The following TMTC2 variants were observed in gnomAD, a reference collection of about 807,000 sequenced individuals.
TMTC2 encodes transmembrane O-mannosyltransferase targeting cadherins 2, also known as protein O-mannosyl-transferase TMTC2.
In TMTC2, 43 loss-of-function variants were observed where a neutral mutation model predicts 82.4. That is an observed-to-expected ratio of 0.52 (90% CI 0.41 to 0.67). The LOEUF is 0.67. TMTC2 is among the 30% of genes least tolerant of loss of function. TMTC2 has a pLI of 0.00. For missense variants in TMTC2, 919 were observed against 1,012.4 expected (o/e 0.91, Z 1.25); for synonymous variants, 408 against 381.9 (o/e 1.07, Z -0.80).
At chr12:82,842,004 T>C (rs1870364539) in intron 1 of TMTC2, among the ~76,000 whole-genome samples, 1 of 152,188 alleles carries the variant, frequency 6.6e-6, no homozygotes, top group South Asian at 2.1e-4. Context: ...CCAGACAAAA[T>C]GCAATAATAG....
chr12:83,048,754 C>T (rs577657301), intron 9 of TMTC2, among the ~76,000 whole-genome samples: 5 of 152,280 alleles, frequency 3.3e-5, no homozygotes, highest in East Asian at 1.9e-4. Context: ...CTGCAACCTC[C>T]GCCTCCCGGG....
intron 1 of TMTC2, among the ~76,000 whole-genome samples, chr12:82,830,335 C>CTTAGCCCA (rs1673118136): frequency 6.6e-6 from 1 of 151,936 alleles, no homozygotes; most frequent in Non-Finnish European, 1.5e-5. Flanking sequence ...TTAGTCCTTC[C>CTTAGCCCA]TTAGCCCACT....
chr12:83,006,460 T>A lies in TMTC2; in HGVS notation c.2070+20414T>A, dbSNP rs528454402. ...TTTCTGATTTTTGTTATTCGAATCT[T>A]CTTTCTTTTTTCTTAGTCTGGTTAA... On this transcript the variant is annotated intron_variant, in intron 8 of 11. Transcript: ENST00000321196. Among the ~76,000 whole-genome samples, 7 of 152,332 alleles carry A rather than the reference T, an allele frequency of 4.6e-5. No individual in the cohort carries two copies. The East Asian group carries it at 1.2e-3, about 25-fold the overall frequency.
intron 4 of TMTC2, among the ~76,000 whole-genome samples, chr12:82,951,675 T>C (rs1877354357): frequency 1.3e-5 from 2 of 152,174 alleles, no homozygotes; most frequent in South Asian, 2.1e-4. Context: ...ACAGTACATA[T>C]GATATGCAAA....
At position 82,896,051 on chromosome 12, in the gene TMTC2, G is replaced by A; in HGVS notation, c.888G>A (p.Met296Ile). 1 of 1,613,938 alleles carries A rather than the reference G, an allele frequency of 6.2e-7. No individual in the cohort carries two copies. Among genetic ancestry groups the A allele is most frequent in the Non-Finnish European group, 8.5e-7 (1 of 1,179,990 alleles). Residue 296 changes from methionine (M) to isoleucine (I), a missense_variant, in exon 3 of 12, where the codon ATG (methionine) becomes ATA (isoleucine). Transcript: ENST00000321196. ...CPDTLSFDWS[M>I]DAVPLLKTVC... is the part of the protein sequence containing the mutation. ...ATACCCTCAGTTTTGATTGGTCAAT[G>A]GATGCTGTGCCTCTGCTCAAAACAG...
At chr12:82,967,055 A>G in intron 7 of TMTC2, 58 bp downstream of exon 7, 1 of 1,333,656 alleles carries the variant, frequency 7.5e-7, no homozygotes, top group South Asian at 1.2e-5. Context: ...GAGAAACAGG[A>G]ACCCATGTTC....
chr12:82,951,384 G>A (rs4346030), intron 4 of TMTC2, among the ~76,000 whole-genome samples: 111,383 of 151,952 alleles, frequency 0.73, 42,104 homozygotes, highest in South Asian at 0.85. Flanking sequence ...TCCACTTCCC[G>A]GGTTCAAGCA....
chr12:82,755,146 A>C (rs1303604309), intron 1 of TMTC2, among the ~76,000 whole-genome samples: 1 of 152,200 alleles, frequency 6.6e-6, no homozygotes, highest in African/African-American at 2.4e-5. Flanking sequence ...GGGAAATGTG[A>C]TTTAAATTCT....
At position 82,903,991 on chromosome 12, in the gene TMTC2, G is replaced by T. The variant is rs762162935; in HGVS notation, c.1483+7345G>T. On this transcript the variant is annotated intron_variant, in intron 3 of 11. Transcript: ENST00000321196. The stretch of plus-strand genomic sequence containing the variant: ...TTTCGGATTGTGTGACTGCATCTGT[G>T]TGTGACATATGCTTCCATTTTGATA... Among the ~76,000 whole-genome samples, 3 of 152,164 alleles carry T rather than the reference G, an allele frequency of 2.0e-5. No individual in the cohort carries two copies. The South Asian group carries it at 6.2e-4, about 32-fold the overall frequency.
At chr12:82,738,239 T>C (rs1221944869) in intron 1 of TMTC2, among the ~76,000 whole-genome samples, 8 of 152,210 alleles carry the variant, frequency 5.3e-5, no homozygotes, top group Non-Finnish European at 8.8e-5. Context: ...CCAATGTATA[T>C]TTTATCTTCA....
intron 8 of TMTC2, among the ~76,000 whole-genome samples, chr12:83,010,332 C>G (rs1880398450): frequency 6.6e-6 from 1 of 152,118 alleles, no homozygotes; most frequent in Non-Finnish European, 1.5e-5. Flanking sequence ...AGCCATCAGG[C>G]CTCCCAGATT....
At chr12:83,102,860 T>C (rs191795313) in intron 11 of TMTC2, among the ~76,000 whole-genome samples, 3 of 152,324 alleles carry the variant, frequency 2.0e-5, no homozygotes, top group Admixed American at 2.0e-4. Flanking sequence ...CTTAGGTTAA[T>C]AGACTAAACT....
chr12:82,876,085 T>TGGTGGTGGTGG (rs1565788842), intron 2 of TMTC2, among the ~76,000 whole-genome samples: 10 of 131,220 alleles, frequency 7.6e-5, no homozygotes, highest in Non-Finnish European at 1.3e-4. Flanking sequence ...ATGATGGTGA[T>TGGTGGTGGTGG]TAGTATTCAT....
chr12:82,925,422 T>A (rs1875643413), intron 3 of TMTC2, among the ~76,000 whole-genome samples: 1 of 152,166 alleles, frequency 6.6e-6, no homozygotes, highest in South Asian at 2.1e-4. Context: ...AAATGAACAA[T>A]CAACCAAATA....
chr12:82,805,297 G>A (rs571965389), intron 1 of TMTC2, among the ~76,000 whole-genome samples: 43 of 152,228 alleles, frequency 2.8e-4, no homozygotes, highest in South Asian at 1.2e-3. Context: ...AGGCTAAATT[G>A]TGGGAGCTAA....
chr12:82,756,355 T>C (rs905954169), intron 1 of TMTC2, among the ~76,000 whole-genome samples: 1 of 152,186 alleles, frequency 6.6e-6, no homozygotes, highest in Admixed American at 6.5e-5. Context: ...GTTATTACAG[T>C]CTGTCTCAAA....
chr12:83,034,703 T>G (rs907663782), intron 9 of TMTC2, among the ~76,000 whole-genome samples: 9 of 152,178 alleles, frequency 5.9e-5, no homozygotes, highest in Non-Finnish European at 1.3e-4. Context: ...AGAGTAGGGA[T>G]GGTGTGTTTT....
chr12:83,133,342 AG>A lies in TMTC2; in HGVS notation c.*954del, dbSNP rs1175947360. 2 of 152,214 alleles carry A rather than the reference AG, an allele frequency of 1.3e-5. No homozygotes were observed. 9.4% of individuals were successfully genotyped at this position (152,214 alleles called of 1,614,324 possible). A position where few individuals can be genotyped will look rare whatever the true frequency, so the allele number is the denominator to read the frequency against. ...AAAGGGAAGGTGTTTTGTGCTTCTC[AG>A]ATGTTGCTGGTTTAGGAGTGTGTGA... is the stretch of plus-strand genomic sequence containing the variant. On this transcript the variant is annotated 3_prime_UTR_variant, in exon 12 of 12. Transcript: ENST00000321196.
intron 11 of TMTC2, among the ~76,000 whole-genome samples, chr12:83,089,559 C>T (rs914988356): frequency 6.6e-6 from 1 of 152,074 alleles, no homozygotes; most frequent in African/African-American, 2.4e-5. Flanking sequence ...ATAAGTACCC[C>T]GAAACTAAAC....
Sources: gnomAD v4.1 joint callset for allele counts (sites outside exome capture counted in the v4.1 genomes callset) on GRCh38, gnomAD v4.1.1 for gene constraint, MANE v1.5 for transcripts, NCBI Gene and HGNC (gene_info 2026-07-23, HGNC 2026-07-21) for gene names.